Variants in FRMD4A observed in about 807,000 individuals in gnomAD.
The protein encoded by FRMD4A is FERM domain-containing protein 4A.
FRMD4A carries 29 observed loss-of-function variants against 129.1 expected under a neutral mutation model. That is an observed-to-expected ratio of 0.22 (90% CI 0.17 to 0.31). The LOEUF (loss-of-function observed/expected upper bound fraction) is 0.31, where lower values mean the gene tolerates loss of function less well. Among genes scored for constraint, FRMD4A ranks in the 10% least tolerant of loss-of-function variants. FRMD4A has a pLI of 1.00. For synonymous variants in FRMD4A, 634 were observed against 571.6 expected, an observed-to-expected ratio of 1.11 and a Z score of -1.56; for missense variants, 1,272 against 1,375.8, an observed-to-expected ratio of 0.92 and a Z score of 1.19.
At chr10:14,164,148 G>A (rs930840800) in intron 2 of FRMD4A, among the ~76,000 whole-genome samples, 1 of 152,210 alleles carries the variant, frequency 6.6e-6, no homozygotes, top group African/African-American at 2.4e-5. Flanking sequence ...GCCCAGCAGC[G>A]ACATAGCTGG....
At chr10:14,273,543 T>C (rs1175095340) in intron 2 of FRMD4A, among the ~76,000 whole-genome samples, 1 of 152,154 alleles carries the variant, frequency 6.6e-6, no homozygotes, top group African/African-American at 2.4e-5. Context: ...AAATTAGCAG[T>C]CTACTCTGCT....
intron 2 of FRMD4A, among the ~76,000 whole-genome samples, chr10:14,128,974 T>G (rs1396558863): frequency 6.6e-6 from 1 of 152,176 alleles, no homozygotes. Flanking sequence ...CAGACTCAAC[T>G]ATGTATGATG....
intron 2 of FRMD4A, among the ~76,000 whole-genome samples, chr10:14,205,059 TTC>T (rs1357486891): frequency 5.6e-4 from 4 of 7,106 alleles, no homozygotes; most frequent in South Asian, 0.014. Context: ...TTTCTTTTCT[TTC>T]TTTTTTTTTT....
chr10:13,803,962 G>C (rs1301498935), intron 4 of FRMD4A, among the ~76,000 whole-genome samples: 1 of 152,192 alleles, frequency 6.6e-6, no homozygotes, highest in Non-Finnish European at 1.5e-5. Context: ...GGAAAGGAGG[G>C]AGAAAGCCGC....
chr10:13,835,022 G>A (rs1295105519), intron 3 of FRMD4A, among the ~76,000 whole-genome samples: 1 of 152,204 alleles, frequency 6.6e-6, no homozygotes, highest in Non-Finnish European at 1.5e-5. Flanking sequence ...ACCCAAGAGT[G>A]AGGCTGCCAG....
At chr10:13,955,598 C>T (rs950330327) in intron 2 of FRMD4A, among the ~76,000 whole-genome samples, 2 of 152,296 alleles carry the variant, frequency 1.3e-5, no homozygotes, top group Non-Finnish European at 2.9e-5. Flanking sequence ...TGGCTAGAAA[C>T]CAACCCTTGA....
intron 13 of FRMD4A, among the ~76,000 whole-genome samples, chr10:13,702,333 G>A (rs1395277900): frequency 3.3e-5 from 5 of 152,084 alleles, no homozygotes; most frequent in Admixed American, 6.6e-5. Context: ...CAAAGTGCTC[G>A]GATTACAGGC....
chr10:14,195,852 C>A (rs763397856), intron 2 of FRMD4A, among the ~76,000 whole-genome samples: 14 of 152,178 alleles, frequency 9.2e-5, no homozygotes, highest in Non-Finnish European at 2.1e-4. Flanking sequence ...TGTTGTATGT[C>A]CTGTCACAGT....
At position 14,003,942 on chromosome 10, in the gene FRMD4A, C is replaced by A. The variant is rs564112312; in HGVS notation, c.46-145030G>T. ...AACTCATTTATATGTTTTGTTCTTA[C>A]ATTTATTAGAATTTTCCATGAAGTT... On this transcript the variant is annotated intron_variant, in intron 2 of 24. Transcript: ENST00000357447. 2.6e-4 allele frequency among the ~76,000 whole-genome samples: 39 copies of A among 152,330 alleles called. 1 individual carries two copies. Among genetic ancestry groups the A allele is most frequent in the South Asian group, 2.5e-3 (12 of 4,828 alleles).
intron 6 of FRMD4A, among the ~76,000 whole-genome samples, chr10:13,771,014 CA>C (rs1183532721): frequency 6.6e-6 from 1 of 152,146 alleles, no homozygotes; most frequent in African/African-American, 2.4e-5. Context: ...CCATTTATTT[CA>C]ATATCAACAA....
chr10:14,293,216 A>T (rs1169211821), intron 2 of FRMD4A, among the ~76,000 whole-genome samples: 1 of 152,186 alleles, frequency 6.6e-6, no homozygotes, highest in Non-Finnish European at 1.5e-5. Flanking sequence ...TATTATTATC[A>T]TGGGAGTCAG....
At chr10:13,796,748 T>C (rs115353679) in intron 4 of FRMD4A, among the ~76,000 whole-genome samples, 160 bp from the exon 5 acceptor site, 1,802 of 152,272 alleles carry the variant, frequency 0.012, 33 homozygotes, top group African/African-American at 0.04. Context: ...TGAGACTAAG[T>C]CTTGCTCTGT....
At chr10:14,217,416 A>T (rs1351748614) in intron 2 of FRMD4A, among the ~76,000 whole-genome samples, 4 of 152,000 alleles carry the variant, frequency 2.6e-5, no homozygotes, top group Non-Finnish European at 5.9e-5. Context: ...GTGATGGGAG[A>T]TGTGATGGTT....
intron 2 of FRMD4A, among the ~76,000 whole-genome samples, chr10:13,978,747 T>G (rs1187013563): frequency 6.6e-6 from 1 of 152,186 alleles, no homozygotes; most frequent in Non-Finnish European, 1.5e-5. Flanking sequence ...GGAAACTCAC[T>G]GTGTTCATCT....
intron 3 of FRMD4A, among the ~76,000 whole-genome samples, chr10:13,824,962 G>A (rs1442675549): frequency 6.6e-6 from 1 of 151,566 alleles, no homozygotes. Flanking sequence ...ATGTGTCTAG[G>A]TTATATGCAA....
intron 2 of FRMD4A, among the ~76,000 whole-genome samples, chr10:14,209,958 T>A (rs1589170073): frequency 6.6e-6 from 1 of 152,150 alleles, no homozygotes; most frequent in East Asian, 1.9e-4. Context: ...ATTGGAGTGA[T>A]GAGGCCACAA....
chr10:14,265,017 C>T (rs1315968620), intron 2 of FRMD4A, among the ~76,000 whole-genome samples: 2 of 152,220 alleles, frequency 1.3e-5, no homozygotes, highest in South Asian at 2.1e-4. Flanking sequence ...CTCCTGACCT[C>T]GTGATCCGCA....
chr10:13,905,994 C>A (rs1204819559), intron 2 of FRMD4A, among the ~76,000 whole-genome samples: 1 of 152,214 alleles, frequency 6.6e-6, no homozygotes, highest in Non-Finnish European at 1.5e-5. Flanking sequence ...ATCATGGCAC[C>A]CGAGCAGAGC....
intron 2 of FRMD4A, among the ~76,000 whole-genome samples, chr10:14,014,857 A>G (rs915832585): frequency 6.6e-6 from 1 of 152,200 alleles, no homozygotes; most frequent in African/African-American, 2.4e-5. Context: ...GGAAGACTCT[A>G]GGCAGAATTG....
Sources: gnomAD v4.1 joint callset for allele counts (sites outside exome capture counted in the v4.1 genomes callset) on GRCh38, gnomAD v4.1.1 for gene constraint, MANE v1.5 for transcripts, NCBI Gene and HGNC (gene_info 2026-07-23, HGNC 2026-07-21) for gene names.